Variants in SOD2 observed in about 807,000 individuals in gnomAD.
SOD2 encodes superoxide dismutase 2, also known as superoxide dismutase [Mn], mitochondrial.
In SOD2, 11 loss-of-function variants were observed where a neutral mutation model predicts 27.0. That is an observed-to-expected ratio of 0.41 (90% CI 0.26 to 0.67). The LOEUF (loss-of-function observed/expected upper bound fraction) is 0.67. SOD2 is among the 30% of genes least tolerant of loss of function. The pLI is 0.34. For missense variants in SOD2, 250 were observed against 274.5 expected, an observed-to-expected ratio of 0.91 and a Z score of 0.63; for synonymous variants, 105 against 103.0, an observed-to-expected ratio of 1.02 and a Z score of -0.12.
Position 159,688,198 on chromosome 6 carries a change from T to C in SOD2, c.271A>G (p.Asn91Asp). 1 of 1,613,802 alleles carries C rather than the reference T, an allele frequency of 6.2e-7. No homozygotes were observed. ...CTATGATTGATATGACCACCACCATTGAACTTCAGTGCAGGCTGAAGAGCT... is the reference window on the plus strand; with the variant it reads ...CTATGATTGATATGACCACCACCATCGAACTTCAGTGCAGGCTGAAGAGCT... ...QIALQPALKF[N>D]GGGHINHSIF... Residue 91 changes from asparagine to aspartate, a missense_variant, in exon 3 of 5, where the codon AAT (asparagine) becomes GAT (aspartate). By Grantham distance (23) the Asn-to-Asp change is conservative. Coordinates refer to ENST00000538183, the MANE Select transcript of SOD2 (RefSeq NM_000636.4).
At chr6:159,707,847 A>C (rs1777657342) in intron 1 of SOD2, among the ~76,000 whole-genome samples, 1 of 152,236 alleles carries the variant, frequency 6.6e-6, no homozygotes, top group South Asian at 2.1e-4. Flanking sequence ...ATCCCTGATG[A>C]ACATTGATGC....
chr6:159,682,543 C>A lies in SOD2; in HGVS notation c.619G>T (p.Val207Leu), dbSNP rs867186008. Reference sequence around the variant, plus strand: ...TCAGTTACATTCTCCCAGTTGATTACATTCCAAATAGCTTTTAGATAATCA... The same window carrying A: ...TCAGTTACATTCTCCCAGTTGATTAAATTCCAAATAGCTTTTAGATAATCA... The part of the protein sequence containing the change: ...RPDYLKAIWN[V>L]INWENVTERY... Residue 207 changes from valine (V) to leucine (L), a missense_variant, in exon 5 of 5, where the codon GTA becomes TTA. By Grantham distance (32) the Val-to-Leu change is conservative. Transcript: ENST00000538183. 6.2e-7 allele frequency: 1 copy of A among 1,614,040 alleles called. No homozygotes were observed. The highest frequency in any genetic ancestry group is 1.3e-5 in the African/African-American group (1 of 75,056).
chr6:159,696,572 A>G (rs1042945501), upstream of SOD2, among the ~76,000 whole-genome samples: 3 of 152,058 alleles, frequency 2.0e-5, no homozygotes, highest in Admixed American at 6.5e-5. Context: ...TGCCTGCCTC[A>G]GCCTCCCAAA....
At chr6:159,754,930 G>T in intron 1 of SOD2, 1 of 1,234,132 alleles carries the variant, frequency 8.1e-7, no homozygotes, top group Non-Finnish European at 1.1e-6. Flanking sequence ...TTGTTTACTT[G>T]AGCGTTTATT....
chr6:159,690,441 C>T (rs1570318), intron 2 of SOD2, among the ~76,000 whole-genome samples: 116,398 of 151,750 alleles, frequency 0.77, 45,085 homozygotes, highest in South Asian at 0.85. Flanking sequence ...TTTTTTTAGA[C>T]AGAATTAAAA....
In SOD2 at chr6:159,681,013, C is replaced by T. The variant is rs570241231; in HGVS notation, c.*1480G>A. 2.7e-5 allele frequency: 4 copies of T among 150,604 alleles called. No individual in the cohort carries two copies. Among genetic ancestry groups the T allele is most frequent in the African/African-American group, 9.7e-5 (4 of 41,090 alleles). The allele number at this position is 150,604 out of a possible 1,614,324, so 9.3% of individuals were successfully genotyped here. On this transcript the variant is annotated 3_prime_UTR_variant, in exon 5 of 5. Coordinates refer to ENST00000538183, the MANE Select transcript of SOD2 (RefSeq NM_000636.4). ...AGATAAACCTATGTACACAGAGTTG[C>T]TCACCCCAGCATTATCTGTAGTAAC...
chr6:159,713,749 C>T (rs964701449), intron 1 of SOD2: 51 of 932,856 alleles, frequency 5.5e-5, no homozygotes, highest in African/African-American at 3.2e-5. Flanking sequence ...AATACTTCAA[C>T]GTATCTGTGT....
chr6:159,697,686 G>C (rs968022128), upstream of SOD2, among the ~76,000 whole-genome samples: 17 of 152,204 alleles, frequency 1.1e-4, no homozygotes, highest in African/African-American at 4.1e-4. Context: ...GATCCTCCAT[G>C]TTGCTAGCTA....
upstream of SOD2, among the ~76,000 whole-genome samples, chr6:159,697,496 G>A (rs940181390): frequency 2.0e-5 from 3 of 152,014 alleles, no homozygotes; most frequent in South Asian, 2.1e-4. Context: ...TCCCCACTTC[G>A]GGCAAAATTA....
chr6:159,690,235 C>T (rs922847198), intron 2 of SOD2, among the ~76,000 whole-genome samples: 14 of 144,780 alleles, frequency 9.7e-5, no homozygotes, highest in Admixed American at 2.9e-4. Flanking sequence ...TGTAGTGAGC[C>T]GAGATCACAT....
chr6:159,719,930 G>A (rs533494482), intron 1 of SOD2, among the ~76,000 whole-genome samples: 19 of 151,490 alleles, frequency 1.3e-4, no homozygotes, highest in South Asian at 8.3e-4. Flanking sequence ...CACCATGTTG[G>A]CTAGGCTGGT....
chr6:159,744,800 G>A (rs1040494868), intron 1 of SOD2, among the ~76,000 whole-genome samples: 1 of 152,006 alleles, frequency 6.6e-6, no homozygotes, highest in African/African-American at 2.4e-5. Context: ...CCTCACTTCA[G>A]CTTCCCGAGT....
At chr6:159,708,392 CCTT>C (rs1199053101) in intron 1 of SOD2, among the ~76,000 whole-genome samples, 1 of 152,198 alleles carries the variant, frequency 6.6e-6, no homozygotes, top group Non-Finnish European at 1.5e-5. Context: ...CCCAAAATCT[CCTT>C]AAGCTGATAA....
intron 1 of SOD2, among the ~76,000 whole-genome samples, chr6:159,703,856 C>G (rs1373465751): frequency 1.3e-5 from 2 of 152,224 alleles, no homozygotes; most frequent in East Asian, 3.8e-4. Context: ...ATGATCAATA[C>G]TGAACTTTGT....
chr6:159,739,069 C>G, intron 1 of SOD2: 1 of 1,580,084 alleles, frequency 6.3e-7, no homozygotes, highest in Non-Finnish European at 8.7e-7. Context: ...TGTTCAAAAA[C>G]AAAGTCTTTC....
Position 159,742,168 on chromosome 6 carries a change from C to T in SOD2, c.-116+2962G>A, listed in dbSNP as rs760148375. The T allele has an allele frequency of 7.0e-6, 11 of 1,568,952 alleles. No individual in the cohort carries two copies. The East Asian group carries it at 2.3e-4, about 32-fold the overall frequency. ...AACTGTAAGTTTGAGTTTTAGCTTC[C>T]TAAAGACTGAATAATCTCCTTTTGA... On this transcript the variant is annotated intron_variant, in intron 1 of 3. Transcript: ENST00000537657.
rs567512514 is a variant in SOD2, at chr6:159,671,055, A to G, written c.*11438T>C. 6.6e-6 allele frequency: 1 copy of G among 152,596 alleles called. No individual in the cohort carries two copies. Among genetic ancestry groups the G allele is most frequent in the East Asian group, 1.9e-4 (1 of 5,186 alleles). The allele number at this position is 152,596 out of a possible 1,614,324, so 9.5% of individuals were successfully genotyped here. A position where few individuals can be genotyped will look rare whatever the true frequency, so the allele number is the denominator to read the frequency against. Reference sequence around the variant, plus strand: ...TGAGGCTAGGGGAGGGGAGCCCACCATTGCTGAGGCTTCAGTAGGTAAATA... The same window carrying G: ...TGAGGCTAGGGGAGGGGAGCCCACCGTTGCTGAGGCTTCAGTAGGTAAATA... On this transcript the variant is annotated 3_prime_UTR_variant, in exon 5 of 5. Coordinates refer to ENST00000538183, the MANE Select transcript of SOD2 (RefSeq NM_000636.4).
At chr6:159,712,319 A>ATTG in intron 1 of SOD2, among the ~76,000 whole-genome samples, 1 of 143,372 alleles carries the variant, frequency 7.0e-6, no homozygotes, top group Admixed American at 7.0e-5. Context: ...CACCACTCAC[A>ATTG]CTGCTCTGAT....
chr6:159,727,345 A>T, exon 1 of SOD2: 1 of 1,113,954 alleles, frequency 9.0e-7, no homozygotes, highest in South Asian at 1.5e-5. Context: ...TGAGTGGGCC[A>T]GAAGGCGAAC....
Sources: gnomAD v4.1 joint callset for allele counts (sites outside exome capture counted in the v4.1 genomes callset) on GRCh38, gnomAD v4.1.1 for gene constraint, MANE v1.5 for transcripts, NCBI Gene and HGNC (gene_info 2026-07-23, HGNC 2026-07-21) for gene names.